The following AKR1B10 variants were observed in gnomAD, a reference collection of about 807,000 sequenced individuals.
AKR1B10 encodes ARP.
AKR1B10 carries 39 observed loss-of-function variants against 38.9 expected under a neutral mutation model. That is an observed-to-expected ratio of 1.00 (90% CI 0.78 to 1.31). The LOEUF (loss-of-function observed/expected upper bound fraction) is 1.31, where lower values mean the gene tolerates loss of function less well. Ranked by LOEUF, AKR1B10 falls within the 50% of genes most tolerant of loss-of-function variation. AKR1B10 has a pLI of 0.00. For synonymous variants in AKR1B10, 148 were observed against 141.2 expected (o/e 1.05, Z -0.34); for missense variants, 361 against 382.6 (o/e 0.94, Z 0.47).
At chr7:134,528,980 G>A (rs570256921) in intron 1 of AKR1B10, among the ~76,000 whole-genome samples, 2 of 152,290 alleles carry the variant, frequency 1.3e-5, no homozygotes, top group Admixed American at 1.3e-4. Flanking sequence ...CAGTGAGGCA[G>A]GTTCCCGAGC....
At chr7:134,540,694 T>C (rs3778829) in intron 9 of AKR1B10, among the ~76,000 whole-genome samples, 1 of 151,932 alleles carries the variant, frequency 6.6e-6, no homozygotes, top group African/African-American at 2.4e-5. Context: ...CATTTAATAC[T>C]CAGAACAATC....
chr7:134,534,884 G>T (rs193199637), intron 4 of AKR1B10, among the ~76,000 whole-genome samples: 2 of 152,178 alleles, frequency 1.3e-5, no homozygotes, highest in Non-Finnish European at 2.9e-5. Context: ...TCTCAACGTG[G>T]CTATGCATTA....
intron 2 of AKR1B10, 120 bp from the exon 3 acceptor site, chr7:134,531,788 T>C: frequency 8.9e-7 from 1 of 1,126,368 alleles, no homozygotes. Flanking sequence ...CTTAATCAGC[T>C]TTGTTACAAA....
intron 4 of AKR1B10, among the ~76,000 whole-genome samples, chr7:134,534,186 A>G (rs924523490): frequency 1.3e-5 from 2 of 152,180 alleles, no homozygotes; most frequent in Non-Finnish European, 2.9e-5. Flanking sequence ...CAGTGGCACA[A>G]TCTTGGCTCA....
chr7:134,530,727 A>T lies in AKR1B10; in HGVS notation c.151A>T (p.Asn51Tyr), dbSNP rs1458770243. 2 of 1,613,986 alleles carry T rather than the reference A, an allele frequency of 1.2e-6. No homozygotes were observed. Among genetic ancestry groups the T allele is most frequent in the Non-Finnish European group, 1.7e-6 (2 of 1,179,984 alleles). Residue 51 changes from asparagine to tyrosine, a missense_variant, in exon 2 of 10, where the codon AAT becomes TAT. Physicochemically the swap from Asn to Tyr is moderately radical, Grantham distance 143. Coordinates refer to ENST00000359579, the MANE Select transcript of AKR1B10 (RefSeq NM_020299.5). ...RHIDCAYVYQ[N>Y]EHEVGEAIQE... Reference sequence around the variant, plus strand: ...CATTGACTGTGCCTATGTCTATCAGAATGAACATGAAGTGGGGGAAGCCAT... The same window carrying T: ...CATTGACTGTGCCTATGTCTATCAGTATGAACATGAAGTGGGGGAAGCCAT...
At position 134,535,608 on chromosome 7, in the gene AKR1B10, T is replaced by TTTTTG. The variant is rs1554396830; in HGVS notation, c.430-1042_430-1041insTTTTG. On this transcript the variant is annotated intron_variant, in intron 4 of 9. Transcript: ENST00000359579. ...GTCTTTTTTTTTTTTTTTTTTTTTT[T>TTTTTG]CTTTTGAGGCCCAGCTTATACTCTA... The TTTTTG allele has an allele frequency of 1.0e-5, 9 of 881,252 alleles. No individual in the cohort carries two copies. The Admixed American group carries it at 4.4e-4, about 43-fold the overall frequency. 54.6% of individuals were successfully genotyped at this position (881,252 alleles called of 1,614,324 possible).
chr7:134,534,480 G>C (rs1282379049), intron 4 of AKR1B10, among the ~76,000 whole-genome samples: 2 of 152,146 alleles, frequency 1.3e-5, no homozygotes, highest in East Asian at 1.9e-4. Context: ...CATGAAGTAT[G>C]GCAAGTATGT....
At chr7:134,529,256 T>C (rs1807782832) in intron 1 of AKR1B10, among the ~76,000 whole-genome samples, 1 of 152,156 alleles carries the variant, frequency 6.6e-6, no homozygotes, top group Non-Finnish European at 1.5e-5. Flanking sequence ...TCAGGATACA[T>C]TCTTGGTGTA....
rs1377514468 is a variant in AKR1B10, at chr7:134,533,973, TGCATGTAGTTGC to T, written c.429+894_429+905del. Among the ~76,000 whole-genome samples the T allele has an allele frequency of 7.2e-5, 11 of 152,356 alleles. No homozygotes were observed. The East Asian group carries it at 1.3e-3, about 19-fold the overall frequency. On this transcript the variant is annotated intron_variant, in intron 4 of 9. Coordinates refer to ENST00000359579, the MANE Select transcript of AKR1B10 (RefSeq NM_020299.5). ...ATTTTGGTAGCTGTCTGTGTAGGTG[TGCATGTAGTTGC>T]GAGTTTGTATTGTGTTTTACAAGCA...
At chr7:134,539,439 A>C (rs1241659901) in intron 9 of AKR1B10, among the ~76,000 whole-genome samples, 1 of 152,198 alleles carries the variant, frequency 6.6e-6, no homozygotes, top group Admixed American at 6.5e-5. Flanking sequence ...TATAGATGTC[A>C]GACAGCAACA....
Position 134,541,410 on chromosome 7 carries a change from C to T in AKR1B10, c.*321C>T. ...CAATAAAAAAAATAATAATCATAACCAACATGTATTGAGACTGTACTATGT... is the reference window on the plus strand; with the variant it reads ...CAATAAAAAAAATAATAATCATAACTAACATGTATTGAGACTGTACTATGT... On this transcript the variant is annotated 3_prime_UTR_variant, in exon 10 of 10. Transcript: ENST00000359579. The T allele has an allele frequency of 3.4e-6, 1 of 290,488 alleles. No homozygotes were observed. The highest frequency in any genetic ancestry group is 6.3e-6 in the Non-Finnish European group (1 of 157,540). The allele number at this position is 290,488 out of a possible 1,614,324, so 18.0% of individuals were successfully genotyped here.
chr7:134,541,004 G>A (rs920473054), intron 9 of AKR1B10, 43 bp from the exon 10 acceptor site: 2 of 1,402,078 alleles, frequency 1.4e-6, no homozygotes, highest in African/African-American at 2.8e-5. Context: ...TTGTTTTGAT[G>A]GAACTCAGTT....
intron 4 of AKR1B10, among the ~76,000 whole-genome samples, chr7:134,535,219 C>A (rs1439511872): frequency 6.6e-6 from 1 of 152,124 alleles, no homozygotes; most frequent in African/African-American, 2.4e-5. Flanking sequence ...CTCAAGCAAT[C>A]CTCCTGTCTC....
intron 1 of AKR1B10, among the ~76,000 whole-genome samples, chr7:134,530,028 G>A (rs1807806220): frequency 1.3e-5 from 2 of 152,016 alleles, no homozygotes; most frequent in African/African-American, 4.8e-5. Flanking sequence ...TCATGAGGCT[G>A]GTGCTATTTT....
chr7:134,538,005 T>C lies in AKR1B10; in HGVS notation c.742-189T>C, dbSNP rs1808057491. 4.7e-5 allele frequency: 31 copies of C among 659,190 alleles called. No individual in the cohort carries two copies. In the South Asian group the frequency reaches 5.6e-4, roughly 12 times the overall value. 40.8% of individuals were successfully genotyped at this position (659,190 alleles called of 1,614,324 possible). On this transcript the variant is annotated intron_variant, in intron 7 of 9. Coordinates refer to ENST00000359579, the MANE Select transcript of AKR1B10 (RefSeq NM_020299.5). ...TTCCTAAAAAAGGAAGATCACAGGG[T>C]TGTCTCTAAGGTGAAGGGAGAGAAA...
At chr7:134,528,233 T>C (rs780846417) in intron 1 of AKR1B10, among the ~76,000 whole-genome samples, 2 of 152,220 alleles carry the variant, frequency 1.3e-5, no homozygotes, top group African/African-American at 2.4e-5. Context: ...GACTTAAAAC[T>C]GTTTTCCAGG....
In AKR1B10 at chr7:134,541,250, G is replaced by A. The variant is rs1365901388; in HGVS notation, c.*161G>A. On this transcript the variant is annotated 3_prime_UTR_variant, in exon 10 of 10. Transcript: ENST00000359579. Reference sequence around the variant, plus strand: ...GGTGCTGTTTTAGACATTTATTTCTGTATGTTCAACTAGGATCAGAATATC... The same window carrying A: ...GGTGCTGTTTTAGACATTTATTTCTATATGTTCAACTAGGATCAGAATATC... 7.0e-6 allele frequency: 4 copies of A among 572,178 alleles called. No homozygotes were observed. Among genetic ancestry groups the A allele is most frequent in the Non-Finnish European group, 1.2e-5 (4 of 330,662 alleles). The allele number at this position is 572,178 out of a possible 1,614,324, so 35.4% of individuals were successfully genotyped here.
chr7:134,535,623 C>CTTATACT, intron 4 of AKR1B10: 5 of 465,678 alleles, frequency 1.1e-5, no homozygotes, highest in Non-Finnish European at 1.3e-5. Flanking sequence ...TGAGGCCCAG[C>CTTATACT]TTATACTCTA....
At chr7:134,539,831 T>C (rs1562932502) in intron 9 of AKR1B10, among the ~76,000 whole-genome samples, 2 of 152,256 alleles carry the variant, frequency 1.3e-5, no homozygotes, top group Non-Finnish European at 1.5e-5. Flanking sequence ...ATTAAATGTA[T>C]CAAAAAGAGT....
Sources: gnomAD v4.1 joint callset for allele counts (sites outside exome capture counted in the v4.1 genomes callset) on GRCh38, gnomAD v4.1.1 for gene constraint, MANE v1.5 for transcripts, NCBI Gene and HGNC (gene_info 2026-07-23, HGNC 2026-07-21) for gene names.